FRMD4B: variants seen among roughly 807,000 people sequenced by gnomAD.
FRMD4B encodes FERM domain containing 4B.
Under a neutral mutation model 141.5 loss-of-function variants are expected in FRMD4B, and 74 were observed. The ratio of observed to expected loss-of-function variants is 0.52; its 90% CI spans 0.43 to 0.63. The LOEUF (loss-of-function observed/expected upper bound fraction) is 0.63. Ranked by LOEUF, FRMD4B falls within the 30% of genes least tolerant of loss-of-function variation. The probability of loss-of-function intolerance (pLI) is 0.00; values close to 1 mark genes in which losing one functional copy is unlikely to be tolerated. For missense variants in FRMD4B, 1,366 were observed against 1,253.4 expected (o/e 1.09, Z -1.36); for synonymous variants, 506 against 467.9 (o/e 1.08, Z -1.05).
At chr3:69,478,385 A>T (rs1489565746) in intron 1 of FRMD4B, among the ~76,000 whole-genome samples, 1 of 152,228 alleles carries the variant, frequency 6.6e-6, no homozygotes, top group African/African-American at 2.4e-5. Context: ...AATGTGTCCC[A>T]GAGATTCTGG....
rs541711831 is a variant in FRMD4B, at chr3:69,470,870, T to G, written c.-128-38109A>C. Among the ~76,000 whole-genome samples, 95 of 152,224 alleles carry G rather than the reference T, an allele frequency of 6.2e-4. 1 individual carries two copies. Among genetic ancestry groups the G allele is most frequent in the Non-Finnish European group, 3.5e-4 (24 of 68,032 alleles). ...ATAATAAGAGAATCAACATTTTATGTAAGCACTTAGGCTAAATAAGTAGTA... is the reference window on the plus strand; with the variant it reads ...ATAATAAGAGAATCAACATTTTATGGAAGCACTTAGGCTAAATAAGTAGTA... On this transcript the variant is annotated intron_variant, in intron 1 of 5. Transcript: ENST00000459638.
intron 8 of FRMD4B, among the ~76,000 whole-genome samples, chr3:69,223,555 T>G (rs1285769168): frequency 6.6e-6 from 1 of 152,028 alleles, no homozygotes; most frequent in East Asian, 1.9e-4. Context: ...ACTATCGCGC[T>G]TGGTCGGGCC....
intron 2 of FRMD4B, among the ~76,000 whole-genome samples, chr3:69,397,293 G>A (rs1027602966): frequency 1.3e-5 from 2 of 152,142 alleles, no homozygotes; most frequent in African/African-American, 4.8e-5. Context: ...CAGAAAATAA[G>A]TTGGTGGTTG....
intron 4 of FRMD4B, among the ~76,000 whole-genome samples, chr3:69,290,738 C>G (rs1700845363): frequency 6.6e-6 from 1 of 152,134 alleles, no homozygotes; most frequent in Non-Finnish European, 1.5e-5. Flanking sequence ...TCACAACTGC[C>G]TTGGGGAGGG....
At chr3:69,223,992 T>C (rs1235763326) in intron 8 of FRMD4B, among the ~76,000 whole-genome samples, 1 of 152,222 alleles carries the variant, frequency 6.6e-6, no homozygotes, top group Non-Finnish European at 1.5e-5. Flanking sequence ...ATCTATTTTG[T>C]AATCTTTATT....
chr3:69,319,401 T>C (rs548260860), intron 1 of FRMD4B, among the ~76,000 whole-genome samples: 1 of 152,304 alleles, frequency 6.6e-6, no homozygotes, highest in South Asian at 2.1e-4. Context: ...AATCTATATA[T>C]TTTCCTATTT....
chr3:69,323,612 A>G (rs1410631969), intron 1 of FRMD4B, among the ~76,000 whole-genome samples: 68 of 19,330 alleles, frequency 3.5e-3, no homozygotes, highest in African/African-American at 0.016. Flanking sequence ...CTCTGTGTAT[A>G]TATATATATA....
chr3:69,194,874 G>C, intron 16 of FRMD4B, 148 bp downstream of exon 16: 1 of 619,238 alleles, frequency 1.6e-6, no homozygotes, highest in East Asian at 3.0e-5. Flanking sequence ...GGGCATGAAA[G>C]AAAGAGTTCA....
At chr3:69,455,302 A>G (rs1261824404) in intron 1 of FRMD4B, among the ~76,000 whole-genome samples, 7 of 152,196 alleles carry the variant, frequency 4.6e-5, no homozygotes, top group African/African-American at 1.7e-4. Flanking sequence ...ATAATGTGGG[A>G]GGTTTGTTCT....
chr3:69,452,004 AAT>A (rs1559531236), intron 1 of FRMD4B, among the ~76,000 whole-genome samples: 1 of 152,242 alleles, frequency 6.6e-6, no homozygotes, highest in Non-Finnish European at 1.5e-5. Context: ...GCTCTAAATA[AAT>A]AAAATACAAA....
At chr3:69,507,401 GTGTT>G (rs1706614837) in intron 1 of FRMD4B, among the ~76,000 whole-genome samples, 2 of 152,122 alleles carry the variant, frequency 1.3e-5, no homozygotes, top group African/African-American at 4.8e-5. Flanking sequence ...GTGTGTGTGT[GTGTT>G]TCAGTTTTGA....
intron 4 of FRMD4B, among the ~76,000 whole-genome samples, chr3:69,298,176 GA>G (rs1701093254): frequency 6.6e-6 from 1 of 152,226 alleles, no homozygotes; most frequent in Non-Finnish European, 1.5e-5. Flanking sequence ...TCAGTAGAGA[GA>G]AAACTTCTTG....
intron 11 of FRMD4B, among the ~76,000 whole-genome samples, chr3:69,208,398 C>T (rs1201254841): frequency 2.0e-5 from 3 of 152,066 alleles, no homozygotes; most frequent in Non-Finnish European, 2.9e-5. Context: ...TAGGGTTTCA[C>T]CATGTTGGCC....
At chr3:69,440,057 T>TTATG (rs1705320376) in intron 1 of FRMD4B, among the ~76,000 whole-genome samples, 1 of 152,228 alleles carries the variant, frequency 6.6e-6, no homozygotes, top group African/African-American at 2.4e-5. Flanking sequence ...TGGTGCCATG[T>TTATG]TATGCAGAAG....
At chr3:69,523,973 C>T (rs776930877) in intron 1 of FRMD4B, among the ~76,000 whole-genome samples, 5 of 152,166 alleles carry the variant, frequency 3.3e-5, no homozygotes, top group Non-Finnish European at 5.9e-5. Flanking sequence ...ATATCCTTTG[C>T]CCCAACTAAC....
At chr3:69,240,248 G>A (rs1028014474) in intron 7 of FRMD4B, among the ~76,000 whole-genome samples, 4 of 152,010 alleles carry the variant, frequency 2.6e-5, no homozygotes, top group South Asian at 2.1e-4. Context: ...TTGGGAGGCC[G>A]AGGAGGGTGG....
intron 1 of FRMD4B, among the ~76,000 whole-genome samples, chr3:69,496,637 AAGAGAGAGAGAGAGAGAGAG>A (rs1169584495): frequency 3.5e-5 from 2 of 56,474 alleles, no homozygotes; most frequent in Admixed American, 2.1e-4. Flanking sequence ...GAGAGAGAGA[AAGAGAGAGAGAGAGAGAGAG>A]AGAGAGAGAG....
chr3:69,276,255 G>A (rs944995279), intron 5 of FRMD4B, among the ~76,000 whole-genome samples: 8 of 152,146 alleles, frequency 5.3e-5, no homozygotes, highest in Non-Finnish European at 1.2e-4. Context: ...AGTTGGTAGA[G>A]TCCTGGATGA....
At chr3:69,459,318 C>A (rs1289693130) in intron 1 of FRMD4B, among the ~76,000 whole-genome samples, 1 of 152,126 alleles carries the variant, frequency 6.6e-6, no homozygotes, top group Non-Finnish European at 1.5e-5. Flanking sequence ...TGCAGCAGTG[C>A]TTTGGCTGAA....
Sources: allele counts gnomAD v4.1 joint callset (sites outside exome capture counted in the v4.1 genomes callset), GRCh38; gene constraint gnomAD v4.1.1; transcripts MANE v1.5; gene names NCBI Gene and HGNC (gene_info 2026-07-23, HGNC 2026-07-21).